GUCY1B1: variants seen among roughly 807,000 people sequenced by gnomAD.
GUCY1B1 encodes the protein guanylate cyclase soluble subunit beta-1.
In GUCY1B1, 43 loss-of-function variants were observed where a neutral mutation model predicts 71.0. The observed-to-expected ratio is 0.61, with a 90% CI of 0.47 to 0.78. GUCY1B1 has a LOEUF of 0.78. Among genes scored for constraint, GUCY1B1 ranks in the 30% least tolerant of loss-of-function variants. GUCY1B1 has a pLI of 0.00. For synonymous variants in GUCY1B1, 266 were observed against 259.7 expected (o/e 1.02, Z -0.23); for missense variants, 535 against 754.1 (o/e 0.71, Z 3.40).
At chr4:155,763,086 C>G (rs1482417052) in intron 2 of GUCY1B1, among the ~76,000 whole-genome samples, 2 of 152,092 alleles carry the variant, frequency 1.3e-5, no homozygotes, top group African/African-American at 4.8e-5. Flanking sequence ...TAGAAAAGCA[C>G]CTAAATACTT....
intron 8 of GUCY1B1, among the ~76,000 whole-genome samples, chr4:155,799,537 G>A (rs1043293432): frequency 6.6e-6 from 1 of 152,076 alleles, no homozygotes; most frequent in Non-Finnish European, 1.5e-5. Context: ...CTCTCCTTAT[G>A]ATGAGAAAAA....
rs189024414 is a variant in GUCY1B1, at chr4:155,759,021, G to T, written c.-120G>T. The stretch of plus-strand genomic sequence containing the variant: ...AGGGCGGGCCAAGGCGGCTGTTCTC[G>T]CTCCAGCTCGATGCTGCCTCCCCGG... On this transcript the variant is annotated 5_prime_UTR_variant, in exon 1 of 14. Coordinates refer to ENST00000264424, the MANE Select transcript of GUCY1B1 (RefSeq NM_000857.5). The T allele has an allele frequency of 2.3e-4, 255 of 1,132,940 alleles. No individual in the cohort carries two copies. In the African/African-American group the frequency reaches 3.5e-3, roughly 15 times the overall value. The allele number at this position is 1,132,940 out of a possible 1,614,324, so 70.2% of individuals were successfully genotyped here.
In GUCY1B1 at chr4:155,759,122, G is replaced by T; in HGVS notation, c.-19G>T. 6.3e-7 allele frequency: 1 copy of T among 1,591,634 alleles called. No individual in the cohort carries two copies. The highest frequency in any genetic ancestry group is 1.1e-5 in the South Asian group (1 of 87,312). On this transcript the variant is annotated 5_prime_UTR_variant, in exon 1 of 14. Transcript: ENST00000264424. ...ACCTCTGCGTGGGGGCTGCCTCCCC[G>T]GCTCCCGGTGCAGACACCATGGTAA...
intron 4 of GUCY1B1, among the ~76,000 whole-genome samples, chr4:155,784,785 G>A (rs1738655772): frequency 2.0e-5 from 3 of 152,232 alleles, no homozygotes; most frequent in South Asian, 4.1e-4. Flanking sequence ...TTAATTAGAT[G>A]TCCTTGAAAC....
At chr4:155,794,206 T>G (rs1254442141) in intron 6 of GUCY1B1, 120 bp downstream of exon 6, 3 of 584,906 alleles carry the variant, frequency 5.1e-6, no homozygotes, top group Non-Finnish European at 9.1e-6. Flanking sequence ...TGCAGTTTAT[T>G]GTAAGTTACA....
intron 2 of GUCY1B1, among the ~76,000 whole-genome samples, chr4:155,769,719 G>A (rs1394842163): frequency 1.3e-5 from 2 of 152,008 alleles, no homozygotes; most frequent in African/African-American, 2.4e-5. Context: ...TGTCATCTAA[G>A]AAGCATTGAA....
chr4:155,766,179 A>G (rs1737321755), intron 2 of GUCY1B1, among the ~76,000 whole-genome samples: 1 of 152,172 alleles, frequency 6.6e-6, no homozygotes, highest in Non-Finnish European at 1.5e-5. Flanking sequence ...GAGCACACAC[A>G]TATTTTTATC....
chr4:155,796,734 C>T (rs994534531), intron 8 of GUCY1B1, among the ~76,000 whole-genome samples: 2 of 152,140 alleles, frequency 1.3e-5, no homozygotes, highest in Admixed American at 6.5e-5. Flanking sequence ...TGTCTTAATA[C>T]ATTTGTGGAG....
Position 155,789,708 on chromosome 4 carries a change from C to G in GUCY1B1, c.298-6C>G. The G allele has an allele frequency of 6.5e-7, 1 of 1,550,380 alleles. No individual in the cohort carries two copies. The highest frequency in any genetic ancestry group is 1.4e-5 in the African/African-American group (1 of 73,178). ...TTTATTGGTCTCCCTTTCTTCTTTG[C>G]TGCAGAACCTTGATGCTCTGCACGA... On this transcript the variant is annotated splice_polypyrimidine_tract_variant and splice_region_variant and intron_variant, in intron 4 of 13. Coordinates refer to ENST00000264424, the MANE Select transcript of GUCY1B1 (RefSeq NM_000857.5).
At chr4:155,791,491 G>A (rs1159673586) in intron 5 of GUCY1B1, among the ~76,000 whole-genome samples, 1 of 149,308 alleles carries the variant, frequency 6.7e-6, no homozygotes, top group Non-Finnish European at 1.5e-5. Context: ...AGCACTTTGG[G>A]AGGCCAAGGC....
intron 9 of GUCY1B1, among the ~76,000 whole-genome samples, chr4:155,800,717 A>T (rs138009559): frequency 3.2e-4 from 48 of 152,362 alleles, no homozygotes; most frequent in African/African-American, 1.1e-3. Flanking sequence ...TATTTAAGTA[A>T]GTACATAGCA....
At chr4:155,805,034 G>A (rs1337105009) in intron 12 of GUCY1B1, 69 bp from the exon 13 acceptor site, 5 of 1,367,666 alleles carry the variant, frequency 3.7e-6, no homozygotes, top group Non-Finnish European at 5.1e-6. Flanking sequence ...TTTATAACAT[G>A]ATACATGTCA....
At chr4:155,780,956 G>C (rs2111062397) in intron 4 of GUCY1B1, among the ~76,000 whole-genome samples, 1 of 152,220 alleles carries the variant, frequency 6.6e-6, no homozygotes, top group South Asian at 2.1e-4. Context: ...CATAACATGG[G>C]AGACTATTTG....
At chr4:155,786,996 T>C (rs536936892) in intron 4 of GUCY1B1, among the ~76,000 whole-genome samples, 1 of 152,350 alleles carries the variant, frequency 6.6e-6, no homozygotes, top group East Asian at 1.9e-4. Context: ...AGCTCAATTT[T>C]GACTTTGTGA....
chr4:155,795,005 C>T (rs1236415062), intron 6 of GUCY1B1, among the ~76,000 whole-genome samples: 2 of 152,114 alleles, frequency 1.3e-5, no homozygotes, highest in Non-Finnish European at 1.5e-5. Context: ...TCAAGCCATA[C>T]ACATTTAACA....
chr4:155,790,007 G>C (rs1739051878), intron 5 of GUCY1B1, 96 bp downstream of exon 5: 9 of 794,962 alleles, frequency 1.1e-5, no homozygotes, highest in Non-Finnish European at 1.9e-5. Context: ...CACTGTTAGT[G>C]CTCTTCCCTG....
Position 155,759,831 on chromosome 4 carries a change from T to C in GUCY1B1, c.48T>C (p.Asn16=), listed in dbSNP as rs943259232. 6.2e-7 allele frequency: 1 copy of C among 1,612,926 alleles called. No individual in the cohort carries two copies. The change falls in exon 2 of 14, where the codon AAT becomes AAC. Residue 16 remains asparagine, a synonymous_variant. Transcript: ENST00000264424. ...NHALELLVIR[N]YGPEVWEDIK... ...CCCTGGAGTTGCTGGTGATCCGCAA[T>C]TACGGCCCCGAGGTGTGGGAAGACA...
In GUCY1B1 at chr4:155,802,196, T is replaced by A. The variant is rs1285246730; in HGVS notation, c.1176-146T>A. 2 of 1,485,162 alleles carry A rather than the reference T, an allele frequency of 1.3e-6. No homozygotes were observed. The highest frequency in any genetic ancestry group is 4.6e-5 in the Admixed American group (2 of 43,834). 92.0% of individuals were successfully genotyped at this position (1,485,162 alleles called of 1,614,324 possible). ...TCCTTGCTTATAAATACAGCTAATA[T>A]TTGATGCTAATTTTAGAGGATGTCC... On this transcript the variant is annotated intron_variant, in intron 9 of 13. Coordinates refer to ENST00000264424, the MANE Select transcript of GUCY1B1 (RefSeq NM_000857.5). The surrounding 1 kb of genome is among the most constrained non-coding windows in gnomAD (Gnocchi z 4.3).
chr4:155,770,772 C>T (rs749269295), intron 2 of GUCY1B1, among the ~76,000 whole-genome samples: 28 of 151,300 alleles, frequency 1.9e-4, no homozygotes, highest in Non-Finnish European at 2.7e-4. Flanking sequence ...CTTGCTCCGG[C>T]GTCACTGTCC....
Sources: allele counts gnomAD v4.1 joint callset (sites outside exome capture counted in the v4.1 genomes callset), GRCh38; gene constraint gnomAD v4.1.1; non-coding constraint Gnocchi (gnomAD v3.1); transcripts MANE v1.5; gene names NCBI Gene and HGNC (gene_info 2026-07-23, HGNC 2026-07-21).